Variants in DNM3 observed in about 807,000 individuals in gnomAD.
The protein encoded by DNM3 is dynamin 3.
Under a neutral mutation model 101.6 loss-of-function variants are expected in DNM3, and 47 were observed. The observed-to-expected ratio is 0.46, with a 90% CI of 0.37 to 0.59. The LOEUF (loss-of-function observed/expected upper bound fraction) is 0.59. Ranked by LOEUF, DNM3 falls within the 20% of genes least tolerant of loss-of-function variation. The pLI is 0.00. For missense variants in DNM3, 849 were observed against 1,085.7 expected, an observed-to-expected ratio of 0.78 and a Z score of 3.06; for synonymous variants, 385 against 387.9, an observed-to-expected ratio of 0.99 and a Z score of 0.09.
intron 14 of DNM3, among the ~76,000 whole-genome samples, chr1:172,228,293 T>C (rs1248047784): frequency 6.6e-6 from 1 of 151,966 alleles, no homozygotes; most frequent in African/African-American, 2.4e-5. Flanking sequence ...AATTTCTATT[T>C]TGTGGGGAAG....
In DNM3 at chr1:172,090,531, A is replaced by T. The variant is rs79709178; in HGVS notation, c.1494-2293A>T. On this transcript the variant is annotated intron_variant, in intron 12 of 20. Coordinates refer to ENST00000627582, the MANE Select transcript of DNM3 (RefSeq NM_015569.5). ...TTAAAGAGGAAATAATTTCATCGTAATTAAGAGGATTAACCATTTAACAGA... is the reference window on the plus strand; with the variant it reads ...TTAAAGAGGAAATAATTTCATCGTATTTAAGAGGATTAACCATTTAACAGA... Among the ~76,000 whole-genome samples, 9 of 152,366 alleles carry T rather than the reference A, an allele frequency of 5.9e-5. No individual in the cohort carries two copies. In the East Asian group the frequency reaches 1.7e-3, roughly 29 times the overall value.
chr1:171,994,567 G>A (rs188982226), intron 4 of DNM3, among the ~76,000 whole-genome samples: 55 of 152,156 alleles, frequency 3.6e-4, no homozygotes, highest in African/African-American at 1.3e-3. Flanking sequence ...GATCTTCTGA[G>A]GTCTTTGCTG....
At chr1:172,398,976 T>C (rs2070247938) in intron 20 of DNM3, among the ~76,000 whole-genome samples, 1 of 152,208 alleles carries the variant, frequency 6.6e-6, no homozygotes, top group Admixed American at 6.5e-5. Context: ...CTGATCATCT[T>C]ATATGCCTAC....
At chr1:172,034,741 T>C (rs1368076993) in intron 6 of DNM3, among the ~76,000 whole-genome samples, 4 of 152,114 alleles carry the variant, frequency 2.6e-5, no homozygotes, top group African/African-American at 9.7e-5. Context: ...GGATAATTTA[T>C]ATGGAAAATG....
chr1:172,241,589 G>A (rs2061751185), intron 14 of DNM3, among the ~76,000 whole-genome samples: 1 of 152,000 alleles, frequency 6.6e-6, no homozygotes, highest in Non-Finnish European at 1.5e-5. Flanking sequence ...TCATTGGGAG[G>A]GCAAACTTGC....
chr1:172,408,581 A>T lies in DNM3; in HGVS notation c.*740A>T. 2.0e-6 allele frequency: 2 copies of T among 985,196 alleles called. No individual in the cohort carries two copies. Among genetic ancestry groups the T allele is most frequent in the Non-Finnish European group, 2.4e-6 (2 of 829,716 alleles). The allele number at this position is 985,196 out of a possible 1,614,324, so 61.0% of individuals were successfully genotyped here. ...TTTCAGAGTTCAAGGAAGAAGCAAA[A>T]TATCACATCTCTAGAAGTGTTGGGA... On this transcript the variant is annotated 3_prime_UTR_variant, in exon 21 of 21. Transcript: ENST00000627582.
chr1:172,140,216 T>A (rs1276976337), intron 14 of DNM3: 1 of 152,038 alleles, frequency 6.6e-6, no homozygotes, highest in East Asian at 1.9e-4. Flanking sequence ...GGTAAGGTAA[T>A]GTTTTAACAA....
intron 1 of DNM3, among the ~76,000 whole-genome samples, chr1:171,900,309 G>A (rs990443413): frequency 2.6e-5 from 4 of 152,136 alleles, no homozygotes; most frequent in Non-Finnish European, 5.9e-5. Context: ...GATTGGGGCT[G>A]CAGATTCACG....
At chr1:172,063,947 A>G (rs968802484) in intron 10 of DNM3, among the ~76,000 whole-genome samples, 1 of 151,994 alleles carries the variant, frequency 6.6e-6, no homozygotes, top group Admixed American at 6.6e-5. Flanking sequence ...ATTTCTTCAT[A>G]TTTCCCATTG....
chr1:172,170,641 A>G (rs2058921671), intron 14 of DNM3, among the ~76,000 whole-genome samples: 1 of 151,842 alleles, frequency 6.6e-6, no homozygotes, highest in Non-Finnish European at 1.5e-5. Context: ...TAATCTGTTT[A>G]GAATTTATGA....
At chr1:172,033,863 A>G (rs188352880) in intron 6 of DNM3, among the ~76,000 whole-genome samples, 30 of 152,184 alleles carry the variant, frequency 2.0e-4, no homozygotes, top group Non-Finnish European at 2.8e-4. Context: ...TAAATCCTCA[A>G]TGCTCTTACT....
chr1:171,906,291 C>T lies in DNM3; in HGVS notation c.162-15457C>T, dbSNP rs943610834. On this transcript the variant is annotated intron_variant, in intron 1 of 20. Transcript: ENST00000627582. ...CAAAGGCACGTGCCACCACACCTGG[C>T]TAAGTTTTAAATTTTTTGTATAGAT... 3.3e-5 allele frequency among the ~76,000 whole-genome samples: 5 copies of T among 151,884 alleles called. No homozygotes were observed. In the East Asian group the frequency reaches 9.7e-4, roughly 29 times the overall value.
chr1:172,124,471 T>G (rs2056510046), intron 13 of DNM3, among the ~76,000 whole-genome samples: 1 of 152,174 alleles, frequency 6.6e-6, no homozygotes, highest in Non-Finnish European at 1.5e-5. Context: ...CTCCTAATTT[T>G]TACTTTCCTT....
At chr1:171,892,768 AG>A (rs1166495028) in intron 1 of DNM3, among the ~76,000 whole-genome samples, 1 of 152,202 alleles carries the variant, frequency 6.6e-6, no homozygotes, top group East Asian at 1.9e-4. Context: ...TGGCTCTGGC[AG>A]GGAGTGTTTT....
intron 14 of DNM3, among the ~76,000 whole-genome samples, chr1:172,185,787 G>C (rs2059501461): frequency 6.6e-6 from 1 of 152,036 alleles, no homozygotes; most frequent in African/African-American, 2.4e-5. Context: ...AGCTGGTTTT[G>C]AAACTGGGAA....
intron 13 of DNM3, among the ~76,000 whole-genome samples, chr1:172,097,949 G>A (rs200372018): frequency 6.6e-6 from 1 of 152,196 alleles, no homozygotes; most frequent in Middle Eastern, 3.4e-3. Flanking sequence ...GTACGAATAG[G>A]GTTTGGGTCA....
At chr1:172,356,465 T>C (rs1486929554) in intron 17 of DNM3, among the ~76,000 whole-genome samples, 1 of 152,112 alleles carries the variant, frequency 6.6e-6, no homozygotes, top group East Asian at 1.9e-4. Flanking sequence ...TTTACTTATT[T>C]TAATCCAAGT....
intron 1 of DNM3, among the ~76,000 whole-genome samples, chr1:171,874,150 T>C (rs962984211): frequency 3.9e-5 from 6 of 152,248 alleles, no homozygotes; most frequent in Non-Finnish European, 2.9e-5. Context: ...ATTTTAAAAT[T>C]GGATATCACA....
intron 2 of DNM3, among the ~76,000 whole-genome samples, chr1:171,932,665 G>T (rs6673009): frequency 1.3e-5 from 2 of 151,988 alleles, no homozygotes; most frequent in Non-Finnish European, 2.9e-5. Context: ...CTTAAAAGCC[G>T]TTGCATTTTA....
Sources: gnomAD v4.1 joint callset for allele counts (sites outside exome capture counted in the v4.1 genomes callset) on GRCh38, gnomAD v4.1.1 for gene constraint, MANE v1.5 for transcripts, NCBI Gene and HGNC (gene_info 2026-07-23, HGNC 2026-07-21) for gene names.